Variants in RBMS3 observed in about 807,000 individuals in gnomAD.
The protein encoded by RBMS3 is RNA binding motif single stranded interacting protein 3.
In RBMS3, 27 loss-of-function variants were observed where a neutral mutation model predicts 66.8. The ratio of observed to expected loss-of-function variants is 0.40; its 90% confidence interval spans 0.30 to 0.56. RBMS3 has a LOEUF of 0.56. Ranked by LOEUF, RBMS3 falls within the 20% of genes least tolerant of loss-of-function variation. The pLI, the probability that RBMS3 is intolerant of heterozygous loss-of-function variation, is 0.40. For synonymous variants in RBMS3, 188 were observed against 183.0 expected (o/e 1.03, Z -0.22); for missense variants, 513 against 549.5 (o/e 0.93, Z 0.66).
At chr3:29,631,658 A>C (rs577966305) in intron 4 of RBMS3, among the ~76,000 whole-genome samples, 65 of 152,002 alleles carry the variant, frequency 4.3e-4, no homozygotes, top group African/African-American at 1.3e-3. Flanking sequence ...GCTGATGCTT[A>C]TTGATTCATT....
intron 4 of RBMS3, among the ~76,000 whole-genome samples, chr3:29,673,530 G>A (rs2051098238): frequency 6.6e-6 from 1 of 150,560 alleles, no homozygotes; most frequent in Admixed American, 6.6e-5. Context: ...GAAGAAAAGG[G>A]AGAAGAATCA....
At chr3:29,877,057 T>A (rs977992100) in intron 7 of RBMS3, among the ~76,000 whole-genome samples, 1 of 152,178 alleles carries the variant, frequency 6.6e-6, no homozygotes, top group African/African-American at 2.4e-5. Context: ...CATATACTCA[T>A]AAACACCGAA....
intron 3 of RBMS3, among the ~76,000 whole-genome samples, chr3:29,516,211 A>G (rs2044613295): frequency 1.3e-5 from 2 of 152,220 alleles, no homozygotes; most frequent in Non-Finnish European, 2.9e-5. Flanking sequence ...TGGAGAATCA[A>G]GTAAGATCAG....
At chr3:29,788,694 T>A (rs1418065325) in intron 6 of RBMS3, among the ~76,000 whole-genome samples, 2 of 152,330 alleles carry the variant, frequency 1.3e-5, no homozygotes, top group East Asian at 3.9e-4. Context: ...AATATAAAAA[T>A]GAAAAGTAAA....
At chr3:29,564,254 A>C (rs563274678) in intron 3 of RBMS3, among the ~76,000 whole-genome samples, 1 of 152,146 alleles carries the variant, frequency 6.6e-6, no homozygotes, top group African/African-American at 2.4e-5. Context: ...AGGTGGGTGG[A>C]TCACCTGAGG....
chr3:29,371,626 GTGTC>G (rs1464674143), intron 1 of RBMS3, among the ~76,000 whole-genome samples: 2 of 152,218 alleles, frequency 1.3e-5, no homozygotes, highest in Non-Finnish European at 2.9e-5. Flanking sequence ...GAACATGTAT[GTGTC>G]TGTGTTTGTA....
intron 1 of RBMS3, among the ~76,000 whole-genome samples, chr3:29,431,467 A>G (rs143879981): frequency 0.014 from 2,111 of 151,270 alleles, 21 homozygotes; most frequent in Middle Eastern, 0.031. Flanking sequence ...TAATTTTTGT[A>G]TTTTTAGTAG....
At chr3:29,450,462 A>G (rs539371624) in intron 2 of RBMS3, among the ~76,000 whole-genome samples, 1 of 152,306 alleles carries the variant, frequency 6.6e-6, no homozygotes, top group Admixed American at 6.5e-5. Flanking sequence ...AACAGTGCAC[A>G]CTAAAGTATT....
At chr3:29,545,536 C>T (rs1257006470) in intron 3 of RBMS3, among the ~76,000 whole-genome samples, 3 of 151,950 alleles carry the variant, frequency 2.0e-5, no homozygotes, top group African/African-American at 7.3e-5. Flanking sequence ...GAATTCACAC[C>T]CTTAGACTAT....
At chr3:29,859,313 T>C (rs977163951) in intron 6 of RBMS3, among the ~76,000 whole-genome samples, 2 of 152,178 alleles carry the variant, frequency 1.3e-5, no homozygotes, top group African/African-American at 4.8e-5. Flanking sequence ...TGTAATTATA[T>C]TTTTGTGAGT....
intron 12 of RBMS3, among the ~76,000 whole-genome samples, chr3:29,949,642 C>T (rs920144979): frequency 6.6e-6 from 1 of 151,530 alleles, no homozygotes. Flanking sequence ...AGATGGTAGA[C>T]ATTGAGATGG....
intron 3 of RBMS3, among the ~76,000 whole-genome samples, chr3:29,564,508 G>A (rs1017112121): frequency 6.7e-6 from 1 of 150,278 alleles, no homozygotes; most frequent in Non-Finnish European, 1.5e-5. Context: ...AAAAAATTTA[G>A]TTCTCTGAGA....
chr3:29,679,413 C>T (rs2051392218), intron 4 of RBMS3, among the ~76,000 whole-genome samples: 2 of 151,968 alleles, frequency 1.3e-5, no homozygotes, highest in African/African-American at 4.8e-5. Context: ...TTGCCAAGAT[C>T]ATGATTAAGA....
intron 4 of RBMS3, among the ~76,000 whole-genome samples, chr3:29,674,860 A>G (rs896191298): frequency 6.6e-6 from 1 of 152,064 alleles, no homozygotes; most frequent in Admixed American, 6.6e-5. Flanking sequence ...TGCCATCCCC[A>G]TCAAGCAACC....
In RBMS3 at chr3:29,326,733, C is replaced by CTTT. The variant is rs56162153; in HGVS notation, c.75+44990_75+44992dup. Among the ~76,000 whole-genome samples the CTTT allele has an allele frequency of 9.0e-5, 12 of 133,794 alleles. 1 individual carries two copies. Among genetic ancestry groups the CTTT allele is most frequent in the Non-Finnish European group, 8.1e-5 (5 of 61,758 alleles). The allele number at this position is 133,794 out of a possible 152,430, so 87.8% of individuals were successfully genotyped here. A position where few individuals can be genotyped will look rare whatever the true frequency, so the allele number is the denominator to read the frequency against. On this transcript the variant is annotated intron_variant, in intron 1 of 14. Coordinates refer to ENST00000383767, the MANE Select transcript of RBMS3 (RefSeq NM_001003793.3). ...ATGCTTCAGTCTTACTACTGGCATC[C>CTTT]TTTTTTTTTTTTTTTCGAGACAGAG...
intron 4 of RBMS3, among the ~76,000 whole-genome samples, chr3:29,653,815 C>T (rs773520410): frequency 1.3e-5 from 2 of 152,098 alleles, no homozygotes; most frequent in African/African-American, 2.4e-5. Flanking sequence ...CTAATTTTGC[C>T]GTGAGTCAAG....
At chr3:29,584,388 G>A (rs1246292636) in intron 3 of RBMS3, among the ~76,000 whole-genome samples, 2 of 151,886 alleles carry the variant, frequency 1.3e-5, no homozygotes, top group African/African-American at 4.8e-5. Context: ...CTTACTCTGG[G>A]CATTTTTGAC....
chr3:29,667,839 C>T (rs2149241106), intron 4 of RBMS3, among the ~76,000 whole-genome samples: 1 of 152,016 alleles, frequency 6.6e-6, no homozygotes, highest in African/African-American at 2.4e-5. Flanking sequence ...ATTAGTAATC[C>T]TGTCAGGATG....
intron 3 of RBMS3, among the ~76,000 whole-genome samples, chr3:29,538,521 C>A (rs2045652278): frequency 6.6e-6 from 1 of 152,124 alleles, no homozygotes; most frequent in South Asian, 2.1e-4. Flanking sequence ...TTTTTCCTGG[C>A]AGAAATGTCT....
Sources: allele counts gnomAD v4.1 joint callset (sites outside exome capture counted in the v4.1 genomes callset), GRCh38; gene constraint gnomAD v4.1.1; transcripts MANE v1.5; gene names NCBI Gene and HGNC (gene_info 2026-07-23, HGNC 2026-07-21).